Variants in FER1L6 observed in about 807,000 individuals in gnomAD.
FER1L6 encodes the protein fer-1 like family member 6, also known as fer-1-like protein 6.
Under a neutral mutation model 219.2 loss-of-function variants are expected in FER1L6, and 177 were observed. The ratio of observed to expected loss-of-function variants is 0.81; its 90% CI spans 0.71 to 0.91. The LOEUF (loss-of-function observed/expected upper bound fraction) is 0.91, where lower values mean the gene tolerates loss of function less well. Among genes scored for constraint, FER1L6 ranks in the 40% least tolerant of loss-of-function variants. The pLI is 0.00. For missense variants in FER1L6, 2,153 were observed against 2,259.9 expected, an observed-to-expected ratio of 0.95 and a Z score of 0.96; for synonymous variants, 768 against 824.3, an observed-to-expected ratio of 0.93 and a Z score of 1.17.
In FER1L6 at chr8:124,111,144, GAAAGTACTTACA is replaced by G. The variant is rs1368280412; in HGVS notation, c.5290-7698_5290-7687del. On this transcript the variant is annotated intron_variant, in intron 39 of 40. Coordinates refer to ENST00000522917, the MANE Select transcript of FER1L6 (RefSeq NM_001039112.2). This position sits in a 1 kb window ranked among gnomAD's most constrained non-coding sequence, Gnocchi z 5.0. ...ATTTATATACGTTACAGAGAGAAGAGAAAGTACTTACAACTTTTCTAAAGTAAATGCTCTAAG... is the reference window on the plus strand; with the variant it reads ...ATTTATATACGTTACAGAGAGAAGAGACTTTTCTAAAGTAAATGCTCTAAG... Among the ~76,000 whole-genome samples the G allele has an allele frequency of 1.3e-5, 2 of 152,192 alleles. No individual in the cohort carries two copies. Among genetic ancestry groups the G allele is most frequent in the East Asian group, 3.8e-4 (2 of 5,200 alleles).
chr8:124,013,799 T>C (rs1237191813), intron 15 of FER1L6: 2 of 232,902 alleles, frequency 8.6e-6, no homozygotes, highest in African/African-American at 4.6e-5. Context: ...AAAATGCTAG[T>C]AGTGTTAGTG....
chr8:123,961,957 T>A lies in FER1L6; in HGVS notation c.77-1321T>A, dbSNP rs960027404. ...TAGGCTGGAGGGCAGTGGCACAATG[T>A]CGGCTCACTGCAATCTCCACCTACT... On this transcript the variant is annotated intron_variant, in intron 2 of 40. Transcript: ENST00000522917. 6.0e-5 allele frequency among the ~76,000 whole-genome samples: 9 copies of A among 151,104 alleles called. 1 individual carries two copies. In the South Asian group the frequency reaches 1.9e-3, roughly 32 times the overall value.
rs919109720 is a variant in FER1L6, at chr8:124,111,164, T to G, written c.5290-7680T>G. 2.0e-5 allele frequency among the ~76,000 whole-genome samples: 3 copies of G among 152,242 alleles called. No homozygotes were observed. The highest frequency in any genetic ancestry group is 7.2e-5 in the African/African-American group (3 of 41,460). On this transcript the variant is annotated intron_variant, in intron 39 of 40. Coordinates refer to ENST00000522917, the MANE Select transcript of FER1L6 (RefSeq NM_001039112.2). The surrounding 1 kb of genome is among the most constrained non-coding windows in gnomAD (Gnocchi z 5.0). ...GAAGAGAAAGTACTTACAACTTTTC[T>G]AAAGTAAATGCTCTAAGAGAAAAGA...
intron 28 of FER1L6, 139 bp downstream of exon 28, chr8:124,067,945 C>A: frequency 1.5e-6 from 1 of 686,102 alleles, no homozygotes; most frequent in Non-Finnish European, 2.5e-6. Context: ...AGGAAGATGA[C>A]AGCACTTTAA....
chr8:124,011,432 T>C (rs1450035001), intron 14 of FER1L6, among the ~76,000 whole-genome samples: 1 of 152,194 alleles, frequency 6.6e-6, no homozygotes, highest in Non-Finnish European at 1.5e-5. Context: ...CACAGCTCAC[T>C]GCAGCCTTGA....
chr8:123,932,222 C>T (rs1410132788), intron 1 of FER1L6, among the ~76,000 whole-genome samples: 2 of 152,244 alleles, frequency 1.3e-5, no homozygotes, highest in Middle Eastern at 3.4e-3. Flanking sequence ...GATTCTCCTG[C>T]CTCAGCCTCC....
chr8:123,940,225 G>C (rs894739718), intron 1 of FER1L6, among the ~76,000 whole-genome samples: 19 of 152,230 alleles, frequency 1.2e-4, no homozygotes, highest in African/African-American at 4.1e-4. Context: ...GCAGGAGGCA[G>C]AGCATGGGGG....
chr8:124,008,287 G>A (rs1355988005), intron 13 of FER1L6, among the ~76,000 whole-genome samples: 2 of 152,090 alleles, frequency 1.3e-5, no homozygotes, highest in African/African-American at 4.8e-5. Context: ...TCCTTTTTAT[G>A]GCTGAGTAGT....
intron 1 of FER1L6, among the ~76,000 whole-genome samples, chr8:123,945,904 T>C (rs1408779078): frequency 6.6e-6 from 1 of 152,240 alleles, no homozygotes; most frequent in East Asian, 1.9e-4. Context: ...CTTTAGTATA[T>C]ACAGAAAAAT....
rs570624245 is a variant in FER1L6, at chr8:123,853,567, G to A, written c.-8+1382G>A. ...GTTGAAAAATTGTTACTTTTTTCCTGGGGTATTGTATTAATCAGGGGAGAT... is the reference window on the plus strand; with the variant it reads ...GTTGAAAAATTGTTACTTTTTTCCTAGGGTATTGTATTAATCAGGGGAGAT... On this transcript the variant is annotated intron_variant, in intron 1 of 40. Transcript: ENST00000522917. This position sits in a 1 kb window ranked among gnomAD's most constrained non-coding sequence, Gnocchi z 6.6. 4.8e-4 allele frequency among the ~76,000 whole-genome samples: 73 copies of A among 152,292 alleles called. 1 individual carries two copies. The highest frequency in any genetic ancestry group is 1.5e-4 in the Non-Finnish European group (10 of 68,006).
At chr8:123,981,579 C>T (rs1432574765) in intron 11 of FER1L6, among the ~76,000 whole-genome samples, 1 of 151,968 alleles carries the variant, frequency 6.6e-6, no homozygotes, top group Non-Finnish European at 1.5e-5. Context: ...GCTCAAAATC[C>T]CAGAGCTGTT....
chr8:123,868,070 A>G (rs1816866315), intron 1 of FER1L6, among the ~76,000 whole-genome samples: 1 of 152,030 alleles, frequency 6.6e-6, no homozygotes, highest in Admixed American at 6.5e-5. Context: ...TTTTCCCTCG[A>G]CATTGTATTT....
chr8:123,928,299 A>T (rs984047172), intron 1 of FER1L6, among the ~76,000 whole-genome samples: 43 of 152,152 alleles, frequency 2.8e-4, no homozygotes, highest in African/African-American at 9.7e-4. Context: ...TGCACCTTTA[A>T]ATTTCCTTTA....
intron 1 of FER1L6, among the ~76,000 whole-genome samples, chr8:123,919,465 T>C (rs145282655): frequency 5.7e-4 from 87 of 152,254 alleles, no homozygotes; most frequent in Non-Finnish European, 7.1e-4. Context: ...CCTGCCAGTG[T>C]AGGCAATACA....
In FER1L6 at chr8:124,066,549, AG is replaced by A; in HGVS notation, c.3678+1del. 6.2e-7 allele frequency: 1 copy of A among 1,613,632 alleles called. No homozygotes were observed. Among genetic ancestry groups the A allele is most frequent in the Non-Finnish European group, 8.5e-7 (1 of 1,179,784 alleles). ...KYYASLKKAQ[K>X]AKERNPKGKK... ...TATGCCTCCCTGAAGAAAGCCCAGA[AG>A]GTAGAGTCTCCCCTACCTGTGGCAG... On this transcript the variant is annotated frameshift_variant and splice_region_variant, in exon 27 of 41. Coordinates refer to ENST00000522917, the MANE Select transcript of FER1L6 (RefSeq NM_001039112.2). LOFTEE classifies it high-confidence loss of function.
At chr8:124,004,751 C>T (rs1817583048) in intron 13 of FER1L6, among the ~76,000 whole-genome samples, 2 of 152,126 alleles carry the variant, frequency 1.3e-5, no homozygotes, top group Admixed American at 1.3e-4. Context: ...GTAATCCCAG[C>T]ACTTTGGGAG....
chr8:123,889,506 T>G (rs1812602020), intron 1 of FER1L6, among the ~76,000 whole-genome samples: 1 of 152,096 alleles, frequency 6.6e-6, no homozygotes, highest in East Asian at 1.9e-4. Flanking sequence ...AGTTCAGGAT[T>G]TTTTGCTTCC....
intron 12 of FER1L6, among the ~76,000 whole-genome samples, chr8:123,995,303 T>C (rs953721469): frequency 1.3e-5 from 2 of 152,268 alleles, no homozygotes; most frequent in Admixed American, 1.3e-4. Flanking sequence ...CATGGGGTCC[T>C]GGACTTTTCT....
chr8:124,013,822 G>T (rs1818059135), intron 15 of FER1L6: 1 of 188,466 alleles, frequency 5.3e-6, no homozygotes, highest in African/African-American at 2.3e-5. Flanking sequence ...CCAGCATAGT[G>T]CTGTGCATGT....
Sources: allele counts gnomAD v4.1 joint callset (sites outside exome capture counted in the v4.1 genomes callset), GRCh38; gene constraint gnomAD v4.1.1; non-coding constraint Gnocchi (gnomAD v3.1); transcripts MANE v1.5; gene names NCBI Gene and HGNC (gene_info 2026-07-23, HGNC 2026-07-21).